IL1RAPL1: variants seen among roughly 807,000 people sequenced by gnomAD.
The protein encoded by IL1RAPL1 is interleukin-1 receptor accessory protein-like 1.
Under a neutral mutation model 48.4 loss-of-function variants are expected in IL1RAPL1, and 3 were observed. That is an observed-to-expected ratio of 0.06 (90% CI 0.03 to 0.16). IL1RAPL1 has a LOEUF of 0.16. IL1RAPL1 is among the 10% of genes least tolerant of loss of function. The pLI is 1.00. For missense variants in IL1RAPL1, 349 were observed against 530.6 expected (o/e 0.66, Z 3.36); for synonymous variants, 185 against 187.7 (o/e 0.99, Z 0.12).
chrX:29,895,555 GA>G (rs1038268455), intron 6 of IL1RAPL1, among the ~76,000 whole-genome samples: 2 of 112,395 alleles, frequency 1.8e-5, no homozygotes, highest in Non-Finnish European at 3.8e-5. Context: ...CCGTCTCAAA[GA>G]AAAAAAGCTA....
intron 2 of IL1RAPL1, among the ~76,000 whole-genome samples, chrX:29,067,284 G>A (rs889651976): frequency 9.0e-5 from 10 of 111,607 alleles, no homozygotes; most frequent in African/African-American, 3.3e-4. Flanking sequence ...CATGATACTA[G>A]CAAGAAAAAT....
chrX:29,333,581 G>A (rs1454845315), intron 3 of IL1RAPL1, among the ~76,000 whole-genome samples: 2 of 94,473 alleles, frequency 2.1e-5, no homozygotes, highest in Non-Finnish European at 2.1e-5. Context: ...CAGGCGGGGG[G>A]CTGACCCCCC....
intron 2 of IL1RAPL1, among the ~76,000 whole-genome samples, chrX:28,891,637 G>A (rs1039573848): frequency 5.3e-5 from 6 of 112,187 alleles, no homozygotes; most frequent in South Asian, 3.7e-4. Flanking sequence ...ATAATATACC[G>A]TTGTATGGAT....
intron 2 of IL1RAPL1, among the ~76,000 whole-genome samples, chrX:28,916,932 A>G (rs1278464819): frequency 2.7e-5 from 3 of 112,165 alleles, no homozygotes; most frequent in Non-Finnish European, 3.8e-5. Flanking sequence ...ATGGCTCCCA[A>G]TGTAATGACT....
chrX:28,889,632 GTC>G (rs1922725442), intron 2 of IL1RAPL1, among the ~76,000 whole-genome samples: 1 of 111,020 alleles, frequency 9.0e-6, no homozygotes, highest in African/African-American at 3.3e-5. Flanking sequence ...TATTAAGCAG[GTC>G]GCCTAAAGGA....
chrX:29,236,655 CCATTCTCCT>C (rs1931310584), intron 2 of IL1RAPL1, among the ~76,000 whole-genome samples: 1 of 99,129 alleles, frequency 1.0e-5, no homozygotes, highest in Non-Finnish European at 2.0e-5. Flanking sequence ...TGGGTTCACA[CCATTCTCCT>C]GCATTCTCCT....
At chrX:29,701,973 G>A (rs779446075) in intron 6 of IL1RAPL1, among the ~76,000 whole-genome samples, 1 of 111,691 alleles carries the variant, frequency 9.0e-6, no homozygotes, top group Non-Finnish European at 1.9e-5. Flanking sequence ...AGACCTTCCT[G>A]GCCAGGCGCG....
intron 5 of IL1RAPL1, among the ~76,000 whole-genome samples, chrX:29,527,286 A>G (rs1388936654): frequency 1.2e-5 from 1 of 83,351 alleles, no homozygotes; most frequent in East Asian, 4.1e-4. Context: ...AGAAGAAAAT[A>G]TTGGTGAATT....
At chrX:28,861,096 A>G (rs1465335718) in intron 2 of IL1RAPL1, among the ~76,000 whole-genome samples, 1 of 111,688 alleles carries the variant, frequency 9.0e-6, no homozygotes, top group Non-Finnish European at 1.9e-5. Flanking sequence ...TGTTAACTAG[A>G]TAAGAAACCA....
At chrX:28,920,780 G>A (rs2086705595) in intron 2 of IL1RAPL1, among the ~76,000 whole-genome samples, 1 of 111,846 alleles carries the variant, frequency 8.9e-6, no homozygotes, top group South Asian at 3.7e-4. Flanking sequence ...CTGTCTGCCC[G>A]TTAATTGAAG....
intron 1 of IL1RAPL1, among the ~76,000 whole-genome samples, chrX:28,622,153 GTCT>G (rs1238551816): frequency 9.0e-6 from 1 of 111,484 alleles, no homozygotes; most frequent in Non-Finnish European, 1.9e-5. Flanking sequence ...TGGGCAAATC[GTCT>G]TCTTGAATAT....
At chrX:29,915,343 G>T (rs1278371581) in intron 6 of IL1RAPL1, among the ~76,000 whole-genome samples, 1 of 111,485 alleles carries the variant, frequency 9.0e-6, no homozygotes, top group Admixed American at 9.5e-5. Context: ...GGAATCTCTT[G>T]GAGAACATGC....
chrX:29,745,476 A>G (rs1364328481), intron 6 of IL1RAPL1, among the ~76,000 whole-genome samples: 1 of 52,521 alleles, frequency 1.9e-5, no homozygotes, highest in Non-Finnish European at 3.1e-5. Flanking sequence ...GATACAGTTT[A>G]GCTCTTCTTG....
intron 5 of IL1RAPL1, among the ~76,000 whole-genome samples, chrX:29,631,881 AG>A (rs1285326612): frequency 8.9e-6 from 1 of 111,889 alleles, no homozygotes; most frequent in Non-Finnish European, 1.9e-5. Flanking sequence ...AGTAATATTC[AG>A]TACAAAACTA....
chrX:29,212,560 C>A (rs1046617995), intron 2 of IL1RAPL1, among the ~76,000 whole-genome samples: 2 of 111,764 alleles, frequency 1.8e-5, no homozygotes, highest in Non-Finnish European at 3.8e-5. Flanking sequence ...CCACCCACCT[C>A]GGCCTCCCAA....
Position 29,107,388 on chromosome X carries a change from G to T in IL1RAPL1, c.83-175550G>T, listed in dbSNP as rs189018664. On this transcript the variant is annotated intron_variant, in intron 2 of 10. Coordinates refer to ENST00000378993, the MANE Select transcript of IL1RAPL1 (RefSeq NM_014271.4). Reference sequence around the variant, plus strand: ...CTTACTGAATTCAGGCTTTTATGATGCTGTTTGATTTGGCATATGTTCCTC... The same window carrying T: ...CTTACTGAATTCAGGCTTTTATGATTCTGTTTGATTTGGCATATGTTCCTC... 7.0e-4 allele frequency among the ~76,000 whole-genome samples: 79 copies of T among 112,133 alleles called. No individual in the cohort carries two copies. The Middle Eastern group carries it at 0.014, about 20-fold the overall frequency.
At chrX:28,897,378 C>T in intron 2 of IL1RAPL1, among the ~76,000 whole-genome samples, 1 of 111,715 alleles carries the variant, frequency 9.0e-6, no homozygotes, top group Non-Finnish European at 1.9e-5. Context: ...CTTCCCGAGC[C>T]CGTGACCAGC....
intron 6 of IL1RAPL1, among the ~76,000 whole-genome samples, chrX:29,705,535 A>C (rs1927169748): frequency 8.9e-6 from 1 of 112,198 alleles, no homozygotes; most frequent in African/African-American, 3.2e-5. Flanking sequence ...CATTTGACCA[A>C]CTTTGGCCCT....
At chrX:29,052,282 G>A (rs775471964) in intron 2 of IL1RAPL1, among the ~76,000 whole-genome samples, 1 of 111,114 alleles carries the variant, frequency 9.0e-6, no homozygotes, top group African/African-American at 3.3e-5. Context: ...AAATCTTGGG[G>A]TTTAACTCCT....
Sources: gnomAD v4.1 joint callset for allele counts (sites outside exome capture counted in the v4.1 genomes callset) on GRCh38, gnomAD v4.1.1 for gene constraint, MANE v1.5 for transcripts, NCBI Gene and HGNC (gene_info 2026-07-23, HGNC 2026-07-21) for gene names.